TNFSF4: variants seen among roughly 807,000 people sequenced by gnomAD.
TNFSF4 encodes the protein TNF superfamily member 4.
In TNFSF4, 4 loss-of-function variants were observed where a neutral mutation model predicts 7.3. The ratio of observed to expected loss-of-function variants is 0.55; its 90% confidence interval spans 0.27 to 1.25. The LOEUF (loss-of-function observed/expected upper bound fraction) is 1.25, where lower values mean the gene tolerates loss of function less well. Among genes scored for constraint, TNFSF4 ranks in the 50% most tolerant of loss-of-function variants. The probability of loss-of-function intolerance (pLI) is 0.12; values close to 1 mark genes in which losing one functional copy is unlikely to be tolerated. For missense variants in TNFSF4, 181 were observed against 208.8 expected, an observed-to-expected ratio of 0.87 and a Z score of 0.82; for synonymous variants, 76 against 83.7, an observed-to-expected ratio of 0.91 and a Z score of 0.50.
chr1:173,391,291 C>T, the TNFSF4 span, among the ~76,000 whole-genome samples: 7 of 125,458 alleles, frequency 5.6e-5, no homozygotes, highest in Non-Finnish European at 9.9e-5. Context: ...TCTCCAGCTT[C>T]AAATTTCTCT....
chr1:173,393,853 A>G, the TNFSF4 span, among the ~76,000 whole-genome samples: 2 of 152,230 alleles, frequency 1.3e-5, no homozygotes, highest in Admixed American at 6.5e-5. Context: ...TGTACTTTCA[A>G]TGAACTTATG....
At chr1:173,308,036 GTC>G in the TNFSF4 span, among the ~76,000 whole-genome samples, 2 of 151,838 alleles carry the variant, frequency 1.3e-5, no homozygotes, top group African/African-American at 4.8e-5. Context: ...CCTTGTTCAA[GTC>G]TCTTGCACAT....
At chr1:173,286,509 A>G in the TNFSF4 span, among the ~76,000 whole-genome samples, 1 of 152,208 alleles carries the variant, frequency 6.6e-6, no homozygotes, top group Non-Finnish European at 1.5e-5. Context: ...AGTACAGTCA[A>G]TTCAATAGAT....
chr1:173,234,667 C>G, the TNFSF4 span, among the ~76,000 whole-genome samples: 4 of 152,142 alleles, frequency 2.6e-5, no homozygotes, highest in Non-Finnish European at 5.9e-5. Flanking sequence ...AGCTGGAAAC[C>G]ATCATTCTCA....
At chr1:173,371,658 C>A in the TNFSF4 span, among the ~76,000 whole-genome samples, 4 of 152,130 alleles carry the variant, frequency 2.6e-5, no homozygotes, top group African/African-American at 4.8e-5. Context: ...AGTAAAAAAA[C>A]CAAATGGTTA....
chr1:173,275,476 A>G, the TNFSF4 span, among the ~76,000 whole-genome samples: 2 of 152,164 alleles, frequency 1.3e-5, no homozygotes, highest in Non-Finnish European at 2.9e-5. Flanking sequence ...AGATGTGTAA[A>G]AACACCAAGG....
the TNFSF4 span, among the ~76,000 whole-genome samples, chr1:173,382,198 C>A: frequency 1.3e-5 from 2 of 152,154 alleles, no homozygotes; most frequent in Admixed American, 1.3e-4. Flanking sequence ...CACAAACCCA[C>A]CGGGAGGAAC....
At chr1:173,377,050 T>G in the TNFSF4 span, among the ~76,000 whole-genome samples, 1 of 152,114 alleles carries the variant, frequency 6.6e-6, no homozygotes, top group African/African-American at 2.4e-5. Context: ...TCTGAACATC[T>G]GAAGGAACAA....
chr1:173,341,360 T>G, the TNFSF4 span, among the ~76,000 whole-genome samples: 1 of 152,132 alleles, frequency 6.6e-6, no homozygotes, highest in South Asian at 2.1e-4. Context: ...GAATAATTCG[T>G]GTAACCCCAA....
chr1:173,177,889 A>G, the TNFSF4 span, among the ~76,000 whole-genome samples: 19 of 152,338 alleles, frequency 1.2e-4, no homozygotes, highest in African/African-American at 4.6e-4. Context: ...CTTCCTAGTG[A>G]CATTAAAGAA....
At chr1:173,325,403 A>G in the TNFSF4 span, among the ~76,000 whole-genome samples, 1 of 152,230 alleles carries the variant, frequency 6.6e-6, no homozygotes, top group Admixed American at 6.5e-5. Flanking sequence ...ATGGCCCACA[A>G]GAGAAAGCAG....
At chr1:173,415,887 A>G in the TNFSF4 span, among the ~76,000 whole-genome samples, 1 of 152,200 alleles carries the variant, frequency 6.6e-6, no homozygotes. Context: ...AAATGTGCGT[A>G]TCTGTGGGAC....
chr1:173,383,516 A>G, the TNFSF4 span, among the ~76,000 whole-genome samples: 1 of 152,230 alleles, frequency 6.6e-6, no homozygotes, highest in Non-Finnish European at 1.5e-5. Context: ...ATTCATTCAC[A>G]TATTGAAGAT....
chr1:173,330,855 A>ATATGCTTCT, the TNFSF4 span, among the ~76,000 whole-genome samples: 2 of 151,620 alleles, frequency 1.3e-5, no homozygotes, highest in African/African-American at 4.8e-5. Context: ...ATTTAAAATA[A>ATATGCTTCT]TATGCTTCTT....
chr1:173,200,415 C>T (rs956340511), intron 1 of TNFSF4, among the ~76,000 whole-genome samples: 1 of 152,120 alleles, frequency 6.6e-6, no homozygotes, highest in Non-Finnish European at 1.5e-5. Context: ...TGAATAATAC[C>T]ATTCAACCTC....
chr1:173,262,598 C>CTTTT, the TNFSF4 span, among the ~76,000 whole-genome samples: 50 of 105,034 alleles, frequency 4.8e-4, 1 homozygote, highest in Non-Finnish European at 6.3e-4. Context: ...CCAAAAGATT[C>CTTTT]TTTTTTTTTT....
the TNFSF4 span, among the ~76,000 whole-genome samples, chr1:173,299,329 G>C: frequency 1.3e-5 from 2 of 151,762 alleles, no homozygotes; most frequent in Non-Finnish European, 2.9e-5. Flanking sequence ...TCACTCCCAG[G>C]GCCAACCTGC....
chr1:173,210,586 C>T (rs1350015946), upstream of TNFSF4, among the ~76,000 whole-genome samples: 1 of 152,162 alleles, frequency 6.6e-6, no homozygotes, highest in Non-Finnish European at 1.5e-5. Context: ...CTTTGGACTT[C>T]ATGCTGCAGC....
chr1:173,220,683 A>C, the TNFSF4 span, among the ~76,000 whole-genome samples: 1 of 152,160 alleles, frequency 6.6e-6, no homozygotes, highest in South Asian at 2.1e-4. Flanking sequence ...CTGCCATGTG[A>C]GGATACAGCA....
Sources: gnomAD v4.1 joint callset for allele counts (sites outside exome capture counted in the v4.1 genomes callset) on GRCh38, gnomAD v4.1.1 for gene constraint, MANE v1.5 for transcripts, NCBI Gene and HGNC (gene_info 2026-07-23, HGNC 2026-07-21) for gene names.